GRM5: variants seen among roughly 807,000 people sequenced by gnomAD.
GRM5 encodes glutamate metabotropic receptor 5, also known as metabotropic glutamate receptor 5.
GRM5 carries 19 observed loss-of-function variants against 83.1 expected under a neutral mutation model. That is an observed-to-expected ratio of 0.23 (90% CI 0.16 to 0.34). GRM5 has a LOEUF of 0.34. Among genes scored for constraint, GRM5 ranks in the 10% least tolerant of loss-of-function variants. The pLI, the probability that GRM5 is intolerant of heterozygous loss-of-function variation, is 1.00. For missense variants in GRM5, 1,160 were observed against 1,588.3 expected (o/e 0.73, Z 4.58); for synonymous variants, 675 against 633.6 (o/e 1.07, Z -0.98).
chr11:89,011,322 G>T (rs1220573746), intron 2 of GRM5, among the ~76,000 whole-genome samples: 3 of 151,964 alleles, frequency 2.0e-5, no homozygotes, highest in African/African-American at 4.8e-5. Flanking sequence ...TTTTGATGGT[G>T]GAGGGATTTT....
In GRM5 at chr11:88,775,987, G is replaced by A. The variant is rs59354173; in HGVS notation, c.911+73919C>T. On this transcript the variant is annotated intron_variant, in intron 3 of 9. Coordinates refer to ENST00000305447, the MANE Select transcript of GRM5 (RefSeq NM_001143831.3). ...GTTTCAGAGCTGAGTTCAGGTCCTG[G>A]ATATCCTTGTTAACCTTCTGTCTTG... is the stretch of plus-strand genomic sequence containing the variant. 1.6e-4 allele frequency among the ~76,000 whole-genome samples: 25 copies of A among 152,252 alleles called. 2 individuals are homozygous for A. The East Asian group carries it at 4.6e-3, about 28-fold the overall frequency.
At chr11:88,675,117 C>G (rs542047043) in intron 3 of GRM5, among the ~76,000 whole-genome samples, 87 of 151,946 alleles carry the variant, frequency 5.7e-4, no homozygotes, top group African/African-American at 2.0e-3. Context: ...TTTTCTAACC[C>G]CATTTCAGAT....
chr11:88,565,666 T>C (rs896283567), intron 8 of GRM5, among the ~76,000 whole-genome samples: 1 of 152,188 alleles, frequency 6.6e-6, no homozygotes, highest in East Asian at 1.9e-4. Flanking sequence ...GGAAGGCAGA[T>C]GGAAAATAGG....
At position 88,583,443 on chromosome 11, in the gene GRM5, G is replaced by A. The variant is rs913067002; in HGVS notation, c.1690+7158C>T. Among the ~76,000 whole-genome samples the A allele has an allele frequency of 5.3e-5, 8 of 152,322 alleles. No homozygotes were observed. The South Asian group carries it at 1.5e-3, about 28-fold the overall frequency. On this transcript the variant is annotated intron_variant, in intron 7 of 9. Coordinates refer to ENST00000305447, the MANE Select transcript of GRM5 (RefSeq NM_001143831.3). ...GCCTTGGATGGAATAAAATGGAAGC[G>A]TTTTACAGCTTTGGACTTACGTAAG...
chr11:88,805,936 T>C (rs1364448072), intron 3 of GRM5, among the ~76,000 whole-genome samples: 2 of 152,174 alleles, frequency 1.3e-5, no homozygotes, highest in African/African-American at 2.4e-5. Flanking sequence ...TTTCTATAAC[T>C]AGCTTTGATA....
chr11:88,836,710 G>A (rs1258053411), intron 3 of GRM5, among the ~76,000 whole-genome samples: 7 of 152,042 alleles, frequency 4.6e-5, no homozygotes, highest in East Asian at 1.9e-4. Flanking sequence ...ATGGAGAATC[G>A]CTTGAACTCA....
intron 3 of GRM5, among the ~76,000 whole-genome samples, chr11:88,730,683 A>C (rs1941788110): frequency 6.6e-6 from 1 of 152,234 alleles, no homozygotes; most frequent in Non-Finnish European, 1.5e-5. Flanking sequence ...AATACTATGA[A>C]GCCATAAAAA....
At chr11:88,538,631 A>G (rs1464600317) in intron 8 of GRM5, among the ~76,000 whole-genome samples, 1 of 152,208 alleles carries the variant, frequency 6.6e-6, no homozygotes, top group African/African-American at 2.4e-5. Context: ...TACATGAACA[A>G]TTGGAAATGC....
chr11:89,024,428 G>T (rs1359415463), intron 2 of GRM5, among the ~76,000 whole-genome samples: 1 of 152,108 alleles, frequency 6.6e-6, no homozygotes, highest in Non-Finnish European at 1.5e-5. Context: ...GATCTTCATA[G>T]CAAAAATAAT....
At chr11:88,984,553 T>C (rs1939635179) in intron 2 of GRM5, 9 of 440,208 alleles carry the variant, frequency 2.0e-5, no homozygotes, top group Middle Eastern at 6.1e-4. Flanking sequence ...ACTATAAATG[T>C]ATATTATGCA....
chr11:88,551,768 G>A (rs1179827391), intron 8 of GRM5, among the ~76,000 whole-genome samples: 1 of 152,118 alleles, frequency 6.6e-6, no homozygotes, highest in Non-Finnish European at 1.5e-5. Context: ...ATTGTAAGAA[G>A]TGAATTAGAT....
At chr11:88,759,151 C>T (rs1168948017) in intron 3 of GRM5, among the ~76,000 whole-genome samples, 4 of 151,986 alleles carry the variant, frequency 2.6e-5, no homozygotes, top group Admixed American at 6.6e-5. Context: ...AGACCAGTGA[C>T]ACTATAAAGC....
chr11:88,942,382 T>C (rs1218186865), intron 2 of GRM5, among the ~76,000 whole-genome samples: 1 of 151,988 alleles, frequency 6.6e-6, no homozygotes, highest in Non-Finnish European at 1.5e-5. Flanking sequence ...TCTAGTGTAA[T>C]TTGTCTGTTT....
chr11:88,785,490 C>T (rs1943051680), intron 3 of GRM5, among the ~76,000 whole-genome samples: 1 of 151,964 alleles, frequency 6.6e-6, no homozygotes, highest in African/African-American at 2.4e-5. Flanking sequence ...AGATTTTTGT[C>T]CCATTACTTA....
At chr11:88,915,465 A>C (rs1945573837) in intron 2 of GRM5, among the ~76,000 whole-genome samples, 1 of 152,232 alleles carries the variant, frequency 6.6e-6, no homozygotes, top group African/African-American at 2.4e-5. Context: ...GAAGGGGATA[A>C]GTTCTTGCTC....
chr11:88,996,252 T>C (rs1232501927), intron 2 of GRM5, among the ~76,000 whole-genome samples: 2 of 152,232 alleles, frequency 1.3e-5, no homozygotes, highest in South Asian at 2.1e-4. Flanking sequence ...ATGAGAAATA[T>C]GTTCTTCCTT....
At chr11:88,723,863 C>T (rs1499178) in intron 3 of GRM5, among the ~76,000 whole-genome samples, 114,214 of 152,028 alleles carry the variant, frequency 0.75, 43,162 homozygotes, top group South Asian at 0.89. Flanking sequence ...TTATTTATTC[C>T]TTACTTCTTA....
intron 3 of GRM5, among the ~76,000 whole-genome samples, chr11:88,826,448 A>G (rs1448481106): frequency 6.6e-6 from 1 of 151,230 alleles, no homozygotes; most frequent in Non-Finnish European, 1.5e-5. Context: ...AAATAATTAT[A>G]TATATAATTA....
rs768729750 is a variant in GRM5, at chr11:88,508,850, C to G, written c.3381G>C (p.Ala1127=). The G allele has an allele frequency of 1.9e-6, 3 of 1,562,246 alleles. No homozygotes were observed. In the Admixed American group the frequency reaches 5.7e-5, roughly 30 times the overall value. ...CCGCCTGCGCCCCTGCCGCGGGCTGCGCGCCTCCCGTGACTTCGATGGCCG... is the reference window on the plus strand; with the variant it reads ...CCGCCTGCGCCCCTGCCGCGGGCTGGGCGCCTCCCGTGACTTCGATGGCCG... ...PLPAIEVTGG[A]QPAAGAQAAG... Residue 1127 remains alanine (A), a synonymous_variant, in exon 10 of 10, where the codon GCG becomes GCC. Transcript: ENST00000305447. This position sits in a 1 kb window ranked among gnomAD's most constrained non-coding sequence, Gnocchi z 4.2.
Sources: gnomAD v4.1 joint callset for allele counts (sites outside exome capture counted in the v4.1 genomes callset) on GRCh38, gnomAD v4.1.1 for gene constraint, Gnocchi (gnomAD v3.1) non-coding constraint, MANE v1.5 for transcripts, NCBI Gene and HGNC (gene_info 2026-07-23, HGNC 2026-07-21) for gene names.